Variants in MRE11 observed in about 807,000 individuals in gnomAD.
MRE11 encodes double-strand break repair protein MRE11.
In MRE11, 62 loss-of-function variants were observed where a neutral mutation model predicts 91.7. That is an observed-to-expected ratio of 0.68 (90% CI 0.55 to 0.84). MRE11 has a LOEUF of 0.84. Ranked by LOEUF, MRE11 falls within the 40% of genes least tolerant of loss-of-function variation. The pLI, the probability that MRE11 is intolerant of heterozygous loss-of-function variation, is 0.00. For synonymous variants in MRE11, 273 were observed against 271.4 expected, an observed-to-expected ratio of 1.01 and a Z score of -0.06; for missense variants, 796 against 852.9, an observed-to-expected ratio of 0.93 and a Z score of 0.83.
At chr11:94,455,310 A>ATT (rs1946221108) in intron 14 of MRE11, among the ~76,000 whole-genome samples, 1 of 152,112 alleles carries the variant, frequency 6.6e-6, no homozygotes, top group Admixed American at 6.5e-5. Context: ...TCCTTACACA[A>ATT]ATGTCTCTTA....
chr11:94,447,665 C>CAAAAAAAAA (rs56850566), intron 14 of MRE11, among the ~76,000 whole-genome samples: 2 of 48,980 alleles, frequency 4.1e-5, no homozygotes, highest in African/African-American at 7.2e-5. Context: ...CCCGTCTCTA[C>CAAAAAAAAA]AAAAAAAAAA....
At chr11:94,486,140 A>C in intron 3 of MRE11, 56 bp from the exon 4 acceptor site, 1 of 1,564,256 alleles carries the variant, frequency 6.4e-7, no homozygotes, top group South Asian at 1.1e-5. Context: ...AAATTTTTGT[A>C]AACTACAGAT....
chr11:94,487,098 C>T (rs1197921142), intron 3 of MRE11, among the ~76,000 whole-genome samples: 1 of 151,900 alleles, frequency 6.6e-6, no homozygotes, highest in Non-Finnish European at 1.5e-5. Context: ...AACAACAAAC[C>T]AAATGAAAAA....
At chr11:94,511,975 A>C in the MRE11 span, among the ~76,000 whole-genome samples, 1 of 152,284 alleles carries the variant, frequency 6.6e-6, no homozygotes, top group Non-Finnish European at 1.5e-5. Flanking sequence ...TCACAACGTG[A>C]AAGTTGGGAA....
At chr11:94,448,169 G>A (rs1336920176) in intron 14 of MRE11, among the ~76,000 whole-genome samples, 1 of 152,004 alleles carries the variant, frequency 6.6e-6, no homozygotes, top group African/African-American at 2.4e-5. Context: ...ATTTTAGGGT[G>A]CTTTTGTTTT....
chr11:94,477,044 G>T (rs984664203), intron 6 of MRE11, among the ~76,000 whole-genome samples: 7 of 152,112 alleles, frequency 4.6e-5, no homozygotes, highest in Admixed American at 1.3e-4. Flanking sequence ...GATAACAGTA[G>T]TTAGTTGCAT....
intron 13 of MRE11, 151 bp from the exon 14 acceptor site, chr11:94,456,489 A>T (rs911133220): frequency 4.3e-6 from 3 of 696,858 alleles, no homozygotes; most frequent in Non-Finnish European, 7.3e-6. Context: ...TCCAATTATT[A>T]ACGTTAAAAT....
the MRE11 span, among the ~76,000 whole-genome samples, chr11:94,510,964 T>A: frequency 6.6e-6 from 1 of 152,150 alleles, no homozygotes; most frequent in Non-Finnish European, 1.5e-5. Flanking sequence ...CCTTAGCACA[T>A]ATAATAGCTC....
chr11:94,446,469 G>C (rs2134901201), intron 15 of MRE11, among the ~76,000 whole-genome samples: 1 of 152,076 alleles, frequency 6.6e-6, no homozygotes, highest in East Asian at 1.9e-4. Context: ...GTAAATGTAA[G>C]AATAGTGAAA....
At chr11:94,442,729 T>C (rs1287162818) in intron 16 of MRE11, among the ~76,000 whole-genome samples, 1 of 152,148 alleles carries the variant, frequency 6.6e-6, no homozygotes, top group Non-Finnish European at 1.5e-5. Context: ...CCCAATACAA[T>C]AGAGATTATT....
At chr11:94,447,487 T>C in intron 14 of MRE11, 49 bp from the exon 15 acceptor site, 1 of 1,551,706 alleles carries the variant, frequency 6.4e-7, no homozygotes, top group Non-Finnish European at 8.9e-7. Context: ...TAACGTACCA[T>C]CCTAAAAATC....
chr11:94,482,878 C>T (rs1373377888), intron 4 of MRE11, among the ~76,000 whole-genome samples: 1 of 152,088 alleles, frequency 6.6e-6, no homozygotes, highest in African/African-American at 2.4e-5. Flanking sequence ...GTGGAGGTTG[C>T]AGTGAGCCAA....
intron 18 of MRE11, among the ~76,000 whole-genome samples, chr11:94,432,579 G>A (rs1945489838): frequency 1.3e-5 from 2 of 152,152 alleles, no homozygotes; most frequent in Admixed American, 1.3e-4. Flanking sequence ...AGGCCGAGGC[G>A]GGCGGATCAC....
chr11:94,433,678 GCTGC>G (rs1945524528), intron 18 of MRE11, among the ~76,000 whole-genome samples: 2 of 152,126 alleles, frequency 1.3e-5, no homozygotes, highest in Admixed American at 1.3e-4. Flanking sequence ...TCTTTTGTCT[GCTGC>G]CATGTGAGAC....
chr11:94,479,579 C>T, intron 5 of MRE11, 95 bp downstream of exon 5: 2 of 1,051,688 alleles, frequency 1.9e-6, no homozygotes, highest in Non-Finnish European at 2.9e-6. Flanking sequence ...CTCAATTTGA[C>T]TACACAATGA....
chr11:94,468,062 T>C (rs1346673341), intron 9 of MRE11, among the ~76,000 whole-genome samples, 169 bp from the exon 10 acceptor site: 1 of 152,224 alleles, frequency 6.6e-6, no homozygotes, highest in East Asian at 1.9e-4. Flanking sequence ...CCTTTAATAC[T>C]ATTCCTTAAT....
rs147322389 is a variant in MRE11, at chr11:94,432,169, C to T, written c.1995-2183G>A. Among the ~76,000 whole-genome samples, 36 of 152,298 alleles carry T rather than the reference C, an allele frequency of 2.4e-4. No homozygotes were observed. The East Asian group carries it at 6.5e-3, about 28-fold the overall frequency. On this transcript the variant is annotated intron_variant, in intron 18 of 19. Coordinates refer to ENST00000323929, the MANE Select transcript of MRE11 (RefSeq NM_005591.4). Reference sequence around the variant, plus strand: ...GGAACCAAAGGAGTCCTGTTAAATACACATAAATGAGCCTGAGAAATTCAA... The same window carrying T: ...GGAACCAAAGGAGTCCTGTTAAATATACATAAATGAGCCTGAGAAATTCAA...
At chr11:94,506,343 A>G in the MRE11 span, among the ~76,000 whole-genome samples, 3 of 152,026 alleles carry the variant, frequency 2.0e-5, no homozygotes, top group East Asian at 5.8e-4. Context: ...AAAAATGGAA[A>G]CCACAGTGCA....
intron 8 of MRE11, among the ~76,000 whole-genome samples, chr11:94,470,902 TA>T (rs923133969): frequency 3.3e-5 from 5 of 151,994 alleles, no homozygotes; most frequent in African/African-American, 7.2e-5. Context: ...ATAATAAGCA[TA>T]AAAAAATGTT....
Sources: gnomAD v4.1 joint callset for allele counts (sites outside exome capture counted in the v4.1 genomes callset) on GRCh38, gnomAD v4.1.1 for gene constraint, MANE v1.5 for transcripts, NCBI Gene and HGNC (gene_info 2026-07-23, HGNC 2026-07-21) for gene names.